PREX2: variants seen among roughly 807,000 people sequenced by gnomAD.
PREX2 encodes phosphatidylinositol 3,4,5-trisphosphate-dependent Rac exchanger 2 protein.
A neutral mutation model predicts 203.2 loss-of-function variants in PREX2; 107 were observed. That is an observed-to-expected ratio of 0.53 (90% CI 0.45 to 0.62). The LOEUF is 0.62. PREX2 is among the 20% of genes least tolerant of loss of function. The pLI, the probability that PREX2 is intolerant of heterozygous loss-of-function variation, is 0.00. For missense variants in PREX2, 1,777 were observed against 1,955.9 expected (o/e 0.91, Z 1.72); for synonymous variants, 672 against 663.6 (o/e 1.01, Z -0.19).
chr8:67,974,623 G>T (rs1479481185), intron 1 of PREX2, among the ~76,000 whole-genome samples: 1 of 152,140 alleles, frequency 6.6e-6, no homozygotes, highest in Admixed American at 6.5e-5. Flanking sequence ...GGCCAAGTAT[G>T]AGGGTGAGAA....
At chr8:68,070,591 T>C (rs1809166364) in intron 13 of PREX2, among the ~76,000 whole-genome samples, 1 of 152,178 alleles carries the variant, frequency 6.6e-6, no homozygotes, top group South Asian at 2.1e-4. Flanking sequence ...TAAACTAATT[T>C]GAAATGGTCA....
chr8:68,091,922 T>C lies in PREX2; in HGVS notation c.2250+1207T>C, dbSNP rs146765012. Among the ~76,000 whole-genome samples the C allele has an allele frequency of 4.1e-3, 624 of 152,274 alleles. 2 individuals are homozygous for C. Among genetic ancestry groups the C allele is most frequent in the African/African-American group, 0.014 (580 of 41,560 alleles). On this transcript the variant is annotated intron_variant, in intron 20 of 39. Transcript: ENST00000288368. ...CTACCAGATATCCATTGCCACAAAATAGACCACTGCAAAACTTAGTGGCTT... is the reference window on the plus strand; with the variant it reads ...CTACCAGATATCCATTGCCACAAAACAGACCACTGCAAAACTTAGTGGCTT...
chr8:67,992,435 A>G (rs1266497801), intron 1 of PREX2, among the ~76,000 whole-genome samples: 3 of 152,244 alleles, frequency 2.0e-5, no homozygotes, highest in Non-Finnish European at 2.9e-5. Flanking sequence ...TCATTCAACA[A>G]GCATTTAGGC....
chr8:68,032,705 TA>T (rs1325951338), intron 6 of PREX2, among the ~76,000 whole-genome samples: 1 of 152,160 alleles, frequency 6.6e-6, no homozygotes, highest in Admixed American at 6.5e-5. Context: ...TGTAATGAGT[TA>T]AAGAGCTGTC....
intron 26 of PREX2, among the ~76,000 whole-genome samples, chr8:68,117,826 A>T (rs1563553766): frequency 6.6e-6 from 1 of 152,206 alleles, no homozygotes; most frequent in South Asian, 2.1e-4. Context: ...TCCCTAAGGA[A>T]GCTCAGAGTG....
At chr8:68,148,324 T>A (rs1056556706) in intron 34 of PREX2, among the ~76,000 whole-genome samples, 8 of 152,210 alleles carry the variant, frequency 5.3e-5, no homozygotes, top group Non-Finnish European at 8.8e-5. Context: ...TGGTCTGGAA[T>A]GTTAACTTTT....
intron 35 of PREX2, among the ~76,000 whole-genome samples, chr8:68,191,299 G>C (rs560833961): frequency 6.6e-6 from 1 of 152,102 alleles, no homozygotes; most frequent in Non-Finnish European, 1.5e-5. Flanking sequence ...ATTGGATAAC[G>C]TTCTTCAATA....
chr8:68,076,223 G>A (rs771353398), intron 14 of PREX2, among the ~76,000 whole-genome samples: 3 of 152,200 alleles, frequency 2.0e-5, no homozygotes, highest in Non-Finnish European at 2.9e-5. Flanking sequence ...TTGGGAGGTT[G>A]AGGCGAGTGG....
chr8:68,068,769 A>C (rs1035826916), intron 11 of PREX2, among the ~76,000 whole-genome samples: 4 of 152,094 alleles, frequency 2.6e-5, no homozygotes, highest in African/African-American at 9.7e-5. Flanking sequence ...ATATATAAAT[A>C]CATATATTAT....
intron 15 of PREX2, among the ~76,000 whole-genome samples, chr8:68,077,724 A>G (rs1314657403): frequency 6.6e-6 from 1 of 152,230 alleles, no homozygotes; most frequent in Admixed American, 6.5e-5. Flanking sequence ...TGATTCTAGA[A>G]GAACAATGGC....
At chr8:68,074,346 G>T (rs541905865) in intron 14 of PREX2, among the ~76,000 whole-genome samples, 5 of 152,210 alleles carry the variant, frequency 3.3e-5, no homozygotes, top group African/African-American at 1.2e-4. Flanking sequence ...AATTGCATTG[G>T]CTGGGACTCA....
At chr8:68,219,813 T>C (rs992521532) in intron 38 of PREX2, among the ~76,000 whole-genome samples, 1 of 152,172 alleles carries the variant, frequency 6.6e-6, no homozygotes, top group Non-Finnish European at 1.5e-5. Flanking sequence ...ACAAGCCAAC[T>C]CTTACCTACC....
chr8:68,212,871 TAA>T (rs1381025961), intron 37 of PREX2, among the ~76,000 whole-genome samples: 1 of 152,222 alleles, frequency 6.6e-6, no homozygotes, highest in African/African-American at 2.4e-5. Context: ...AAAACTTCTC[TAA>T]GTTTCTTTAG....
At chr8:68,048,397 T>A (rs550260560) in intron 8 of PREX2, among the ~76,000 whole-genome samples, 1 of 152,182 alleles carries the variant, frequency 6.6e-6, no homozygotes, top group African/African-American at 2.4e-5. Flanking sequence ...TGTTGACCTT[T>A]AGAAAATGTG....
chr8:68,077,317 C>A lies in PREX2; in HGVS notation c.1570-80C>A, dbSNP rs867674735. The A allele has an allele frequency of 4.2e-5, 40 of 948,264 alleles. 1 individual carries two copies. In the Middle Eastern group the frequency reaches 5.2e-3, roughly 124 times the overall value. 58.7% of individuals were successfully genotyped at this position (948,264 alleles called of 1,614,324 possible). On this transcript the variant is annotated intron_variant, in intron 14 of 39. Coordinates refer to ENST00000288368, the MANE Select transcript of PREX2 (RefSeq NM_024870.4). ...AGCGAAGCTTTGTCTGAATTTGGTG[C>A]TGGGAATGTTAAATGGAGCAAAGCT...
At chr8:68,101,929 T>C (rs1248681948) in intron 23 of PREX2, among the ~76,000 whole-genome samples, 2 of 152,172 alleles carry the variant, frequency 1.3e-5, no homozygotes, top group Non-Finnish European at 2.9e-5. Context: ...AGCAAATTGA[T>C]GCAGCTGCTT....
chr8:68,106,088 G>C (rs1373521686), intron 23 of PREX2: 1 of 287,344 alleles, frequency 3.5e-6, no homozygotes, highest in Non-Finnish European at 6.7e-6. Flanking sequence ...CCAGCATTGA[G>C]CACAGAGTCT....
chr8:67,959,395 A>G (rs1166358016), intron 1 of PREX2, among the ~76,000 whole-genome samples: 1 of 152,160 alleles, frequency 6.6e-6, no homozygotes, highest in Non-Finnish European at 1.5e-5. Flanking sequence ...GTGAAGGATG[A>G]TGGATAAACT....
At position 68,120,193 on chromosome 8, in the gene PREX2, T is replaced by C. The variant is rs1417379220; in HGVS notation, c.3505-3T>C. Reference sequence around the variant, plus strand: ...GTAACTCGGAAATCTCTACTATTGATAGGTGGATTCAATTACCAATCTCCT... The same window carrying C: ...GTAACTCGGAAATCTCTACTATTGACAGGTGGATTCAATTACCAATCTCCT... On this transcript the variant is annotated splice_region_variant and splice_polypyrimidine_tract_variant and intron_variant, in intron 28 of 39. Transcript: ENST00000288368. 2 of 1,592,582 alleles carry C rather than the reference T, an allele frequency of 1.3e-6. No homozygotes were observed. The highest frequency in any genetic ancestry group is 1.7e-6 in the Non-Finnish European group (2 of 1,160,552).
Sources: allele counts gnomAD v4.1 joint callset (sites outside exome capture counted in the v4.1 genomes callset), GRCh38; gene constraint gnomAD v4.1.1; transcripts MANE v1.5; gene names NCBI Gene and HGNC (gene_info 2026-07-23, HGNC 2026-07-21).